The following SLC25A25 variants were observed in gnomAD, a reference collection of about 807,000 sequenced individuals.
SLC25A25 encodes mitochondrial adenyl nucleotide antiporter SLC25A25.
SLC25A25 carries 32 observed loss-of-function variants against 57.7 expected under a neutral mutation model. The ratio of observed to expected loss-of-function variants is 0.55; its 90% confidence interval spans 0.42 to 0.74. SLC25A25 has a LOEUF of 0.74. Among genes scored for constraint, SLC25A25 ranks in the 30% least tolerant of loss-of-function variants. SLC25A25 has a pLI of 0.00. For synonymous variants in SLC25A25, 306 were observed against 291.2 expected (o/e 1.05, Z -0.52); for missense variants, 556 against 701.3 (o/e 0.79, Z 2.34).
chr9:128,106,560 G>A, intron 9 of SLC25A25, 40 bp downstream of exon 9: 1 of 1,538,894 alleles, frequency 6.5e-7, no homozygotes. Context: ...CCTCCTCCCA[G>A]CACACCTCCA....
chr9:128,106,329 C>T (rs181367816), intron 8 of SLC25A25, 24 bp from the exon 9 acceptor site: 218 of 1,613,692 alleles, frequency 1.4e-4, no homozygotes, highest in Non-Finnish European at 1.7e-4. Flanking sequence ...TGTGCTCACG[C>T]GTCCCGCTGC....
rs1180834490 is a variant in SLC25A25, at chr9:128,102,224, G to GC, written c.512+114dup. ...ATTGTTGTGCTAAGTGGGGTGTGGA[G>GC]CCCCCTGCTCTTTCTCCTGGGGGCA... On this transcript the variant is annotated intron_variant, in intron 4 of 10. Coordinates refer to ENST00000373069, the MANE Select transcript of SLC25A25 (RefSeq NM_001330988.2). The surrounding 1 kb of genome is among the most constrained non-coding windows in gnomAD (Gnocchi z 4.1). 3.1e-5 allele frequency: 45 copies of GC among 1,443,408 alleles called. No individual in the cohort carries two copies. Among genetic ancestry groups the GC allele is most frequent in the Non-Finnish European group, 4.2e-5 (44 of 1,048,990 alleles). The allele number at this position is 1,443,408 out of a possible 1,614,324, so 89.4% of individuals were successfully genotyped here. A position where few individuals can be genotyped will look rare whatever the true frequency, so the allele number is the denominator to read the frequency against.
chr9:128,078,666 G>A (rs1444333921), intron 1 of SLC25A25, among the ~76,000 whole-genome samples: 1 of 152,130 alleles, frequency 6.6e-6, no homozygotes, highest in African/African-American at 2.4e-5. Flanking sequence ...GTACAGAGTT[G>A]ACCTTGAAGT....
intron 6 of SLC25A25, among the ~76,000 whole-genome samples, chr9:128,104,724 G>C (rs1036548498): frequency 1.2e-4 from 18 of 152,320 alleles, no homozygotes; most frequent in Admixed American, 8.5e-4. Context: ...GGCAGCAGGA[G>C]AGAGAGGTTG....
chr9:128,083,676 A>ATT (rs11367855), intron 1 of SLC25A25, among the ~76,000 whole-genome samples: 4,802 of 143,196 alleles, frequency 0.034, 291 homozygotes, highest in African/African-American at 0.1. Flanking sequence ...CGCCCAGCGA[A>ATT]TTTTTTTTTT....
In SLC25A25 at chr9:128,107,339, G is replaced by A; in HGVS notation, c.1443G>A (p.Leu481=). The A allele has an allele frequency of 6.5e-7, 1 of 1,529,730 alleles. No homozygotes were observed. The highest frequency in any genetic ancestry group is 8.8e-7 in the Non-Finnish European group (1 of 1,136,378). The allele number at this position is 1,529,730 out of a possible 1,614,324, so 94.8% of individuals were successfully genotyped here. A position where few individuals can be genotyped will look rare whatever the true frequency, so the allele number is the denominator to read the frequency against. ...HILRTEGAFG[L]YRGLAPNFMK... ...TGCGGACCGAGGGGGCCTTCGGGCTGTACAGGGGGCTGGCCCCCAACTTCA... is the reference window on the plus strand; with the variant it reads ...TGCGGACCGAGGGGGCCTTCGGGCTATACAGGGGGCTGGCCCCCAACTTCA... Residue 481 remains leucine (L), a synonymous_variant, in exon 11 of 11, where the codon CTG becomes CTA. Coordinates refer to ENST00000373069, the MANE Select transcript of SLC25A25 (RefSeq NM_001330988.2).
Position 128,070,820 on chromosome 9 carries a change from G to A in SLC25A25, c.261+2240G>A, listed in dbSNP as rs574977409. Among the ~76,000 whole-genome samples, 8 of 151,782 alleles carry A rather than the reference G, an allele frequency of 5.3e-5. No homozygotes were observed. The South Asian group carries it at 1.3e-3, about 24-fold the overall frequency. On this transcript the variant is annotated intron_variant, in intron 1 of 10. Coordinates refer to ENST00000373069, the MANE Select transcript of SLC25A25 (RefSeq NM_001330988.2). ...TACAAAATTAACGGGGAGTGGTGGC[G>A]CATGCCTGTAATTCCAGTACTCGGG...
chr9:128,072,182 G>A (rs1006453611), intron 1 of SLC25A25, among the ~76,000 whole-genome samples: 1 of 152,132 alleles, frequency 6.6e-6, no homozygotes, highest in Non-Finnish European at 1.5e-5. Flanking sequence ...GTAAATAACT[G>A]GGCAACAGGA....
intron 1 of SLC25A25, among the ~76,000 whole-genome samples, chr9:128,083,350 A>G (rs1181712076): frequency 1.3e-5 from 2 of 151,598 alleles, no homozygotes; most frequent in Admixed American, 6.6e-5. Flanking sequence ...GGCCTTTTAT[A>G]TGACCATATT....
Position 128,102,004 on chromosome 9 carries a change from G to A in SLC25A25, c.477-76G>A, listed in dbSNP as rs900999175. 2.2e-5 allele frequency: 34 copies of A among 1,518,332 alleles called. No homozygotes were observed. Among genetic ancestry groups the A allele is most frequent in the Non-Finnish European group, 3.0e-5 (33 of 1,118,238 alleles). The allele number at this position is 1,518,332 out of a possible 1,614,324, so 94.1% of individuals were successfully genotyped here. A position where few individuals can be genotyped will look rare whatever the true frequency, so the allele number is the denominator to read the frequency against. On this transcript the variant is annotated intron_variant, in intron 3 of 10. Coordinates refer to ENST00000373069, the MANE Select transcript of SLC25A25 (RefSeq NM_001330988.2). The surrounding 1 kb of genome is among the most constrained non-coding windows in gnomAD (Gnocchi z 4.1). ...TGCCCCTGTCTCTGGGTGTGTGCTTGCTTCACTAACATGGCTCCGAGCACT... is the reference window on the plus strand; with the variant it reads ...TGCCCCTGTCTCTGGGTGTGTGCTTACTTCACTAACATGGCTCCGAGCACT...
rs577537946 is a variant in SLC25A25, at chr9:128,073,487, G to T, written c.261+4907G>T. Among the ~76,000 whole-genome samples, 6 of 152,210 alleles carry T rather than the reference G, an allele frequency of 3.9e-5. No homozygotes were observed. In the East Asian group the frequency reaches 1.2e-3, roughly 29 times the overall value. On this transcript the variant is annotated intron_variant, in intron 1 of 10. Coordinates refer to ENST00000373069, the MANE Select transcript of SLC25A25 (RefSeq NM_001330988.2). Reference sequence around the variant, plus strand: ...GTATTGCTTAATCAGACAGACTGTTGAACTCTATACTTTTTAAATGTTTGG... The same window carrying T: ...GTATTGCTTAATCAGACAGACTGTTTAACTCTATACTTTTTAAATGTTTGG...
At chr9:128,072,771 C>T (rs1832935137) in intron 1 of SLC25A25, among the ~76,000 whole-genome samples, 1 of 152,212 alleles carries the variant, frequency 6.6e-6, no homozygotes, top group Non-Finnish European at 1.5e-5. Context: ...GGAGATGAGA[C>T]TCAGCCAGAG....
chr9:128,068,342 G>A lies in SLC25A25; in HGVS notation c.23G>A (p.Arg8His), dbSNP rs937500416. 2.0e-6 allele frequency: 3 copies of A among 1,532,562 alleles called. No individual in the cohort carries two copies. Among genetic ancestry groups the A allele is most frequent in the Non-Finnish European group, 1.7e-6 (2 of 1,147,022 alleles). 94.9% of individuals were successfully genotyped at this position (1,532,562 alleles called of 1,614,324 possible). The change falls in exon 1 of 11, where the codon CGC (arginine) becomes CAC (histidine). Residue 8 changes from arginine to histidine, a missense_variant. Arg to His is a conservative substitution (Grantham distance 29). Around this residue, in one of 3 missense-constraint regions of SLC25A25, gnomAD observed 248 missense variants for 273.5 expected, o/e 0.91. Coordinates refer to ENST00000373069, the MANE Select transcript of SLC25A25 (RefSeq NM_001330988.2). MVSSVLC[R>H]CVASPPPDAA... ...CCGATGGTGAGCAGTGTGTTGTGCC[G>A]CTGTGTGGCCTCCCCGCCGCCGGAC...
At chr9:128,083,495 C>CTT (rs75968192) in intron 1 of SLC25A25, among the ~76,000 whole-genome samples, 2 of 135,232 alleles carry the variant, frequency 1.5e-5, no homozygotes, top group African/African-American at 5.4e-5. Flanking sequence ...GTTAATATTT[C>CTT]TTTTTTTTTT....
Position 128,107,197 on chromosome 9 carries a change from C to G in SLC25A25, c.1363+18C>G. The G allele has an allele frequency of 6.2e-7, 1 of 1,613,566 alleles. No individual in the cohort carries two copies. On this transcript the variant is annotated intron_variant, in intron 10 of 10. Transcript: ENST00000373069. ...GGCGCAAGGTAAGGCTGGCCCTGGA[C>G]AGTCCCCTGGGAGGTCGGGGGGAGC...
chr9:128,073,741 T>TG (rs1418762460), intron 1 of SLC25A25, among the ~76,000 whole-genome samples: 8 of 151,524 alleles, frequency 5.3e-5, no homozygotes, highest in Non-Finnish European at 7.4e-5. Flanking sequence ...TAGAATACTT[T>TG]TTTTTTTTTT....
At chr9:128,080,241 A>AG (rs1278491181) in intron 1 of SLC25A25, among the ~76,000 whole-genome samples, 1 of 55,768 alleles carries the variant, frequency 1.8e-5, no homozygotes, top group Non-Finnish European at 5.6e-5. Context: ...AAAAAAAAAA[A>AG]CAAAAAAACA....
chr9:128,099,981 A>G lies in SLC25A25; in HGVS notation c.262-1115A>G, dbSNP rs1271416089. 6.6e-6 allele frequency among the ~76,000 whole-genome samples: 1 copy of G among 151,854 alleles called. No individual in the cohort carries two copies. Among genetic ancestry groups the G allele is most frequent in the Non-Finnish European group, 1.5e-5 (1 of 67,972 alleles). ...TTCAGGGCGTTGCTGAGTTGGGGTG[A>G]CTCACTTTCATCCCCCATGTTCTGA... On this transcript the variant is annotated intron_variant, in intron 1 of 10. Transcript: ENST00000373069. This position sits in a 1 kb window ranked among gnomAD's most constrained non-coding sequence, Gnocchi z 6.8.
At chr9:128,098,992 A>AG (rs1179504906) in intron 1 of SLC25A25, 32 of 985,224 alleles carry the variant, frequency 3.2e-5, no homozygotes, top group Non-Finnish European at 3.7e-5. Context: ...TGCTGGAATG[A>AG]GGGGGGTGTT....
Sources: gnomAD v4.1 joint callset for allele counts (sites outside exome capture counted in the v4.1 genomes callset) on GRCh38, gnomAD v4.1.1 for gene constraint, gnomAD v4.1.1 regional missense constraint, Gnocchi (gnomAD v3.1) non-coding constraint, MANE v1.5 for transcripts, NCBI Gene and HGNC (gene_info 2026-07-23, HGNC 2026-07-21) for gene names.